Variants in VAT1L observed in about 807,000 individuals in gnomAD.
VAT1L encodes the protein vesicle amine transport 1 like.
A neutral mutation model predicts 44.1 loss-of-function variants in VAT1L; 34 were observed. That is an observed-to-expected ratio of 0.77 (90% CI 0.59 to 1.03). The LOEUF (loss-of-function observed/expected upper bound fraction) is 1.03. Among genes scored for constraint, VAT1L ranks in the 50% least tolerant of loss-of-function variants. The pLI, the probability that VAT1L is intolerant of heterozygous loss-of-function variation, is 0.00. For missense variants in VAT1L, 615 were observed against 538.8 expected, an observed-to-expected ratio of 1.14 and a Z score of -1.40; for synonymous variants, 253 against 202.2, an observed-to-expected ratio of 1.25 and a Z score of -2.13.
chr16:77,874,187 G>A (rs1392343141), intron 4 of VAT1L, among the ~76,000 whole-genome samples: 1 of 152,094 alleles, frequency 6.6e-6, no homozygotes, highest in East Asian at 1.9e-4. Flanking sequence ...GGCTGCTTCT[G>A]ACCACAGGTG....
intron 3 of VAT1L, among the ~76,000 whole-genome samples, chr16:77,841,737 T>G (rs1175135874): frequency 6.6e-6 from 1 of 152,152 alleles, no homozygotes; most frequent in South Asian, 2.1e-4. Context: ...CTGGAGATGA[T>G]CGTCCTGAGC....
chr16:77,974,144 C>G (rs190156979), intron 8 of VAT1L, among the ~76,000 whole-genome samples: 1 of 152,146 alleles, frequency 6.6e-6, no homozygotes, highest in South Asian at 2.1e-4. Context: ...GTGACTGATA[C>G]AACATGGATA....
At chr16:77,831,184 A>C (rs928483441) in intron 3 of VAT1L, among the ~76,000 whole-genome samples, 1 of 152,138 alleles carries the variant, frequency 6.6e-6, no homozygotes, top group Non-Finnish European at 1.5e-5. Flanking sequence ...TGGTGGGGGG[A>C]CACTAGGCAA....
chr16:77,884,667 G>A lies in VAT1L; in HGVS notation c.942G>A (p.Ala314=), dbSNP rs751652774. The change falls in exon 7 of 9, where the codon GCG becomes GCA. Residue 314 remains alanine (A), a synonymous_variant. Transcript: ENST00000302536. This position sits in a 1 kb window ranked among gnomAD's most constrained non-coding sequence, Gnocchi z 4.5. ...TGTATGAGGAGAACAAAGTCATCGCGGGGTTTTCCCTTTTAAATCTGCTCT... is the reference window on the plus strand; with the variant it reads ...TGTATGAGGAGAACAAAGTCATCGCAGGGTTTTCCCTTTTAAATCTGCTCT... ...IKLYEENKVI[A]GFSLLNLLFK... is the part of the protein sequence containing the mutation. The A allele has an allele frequency of 1.7e-5, 27 of 1,613,256 alleles. No homozygotes were observed. Among genetic ancestry groups the A allele is most frequent in the South Asian group, 2.2e-5 (2 of 90,854 alleles).
At chr16:77,913,334 G>A (rs2017518264) in intron 7 of VAT1L, among the ~76,000 whole-genome samples, 1 of 151,480 alleles carries the variant, frequency 6.6e-6, no homozygotes, top group Non-Finnish European at 1.5e-5. Flanking sequence ...ATACCCATTG[G>A]AGTTGTCTAT....
intron 1 of VAT1L, among the ~76,000 whole-genome samples, chr16:77,807,746 CTG>C (rs1363536111): frequency 6.6e-6 from 1 of 152,100 alleles, no homozygotes; most frequent in Non-Finnish European, 1.5e-5. Context: ...TTTACATATA[CTG>C]TCACATGCAA....
At chr16:77,798,484 G>T (rs1406978917) in intron 1 of VAT1L, among the ~76,000 whole-genome samples, 1 of 152,164 alleles carries the variant, frequency 6.6e-6, no homozygotes. Flanking sequence ...TGCAGCTAAA[G>T]TGCCTAGCAA....
At chr16:77,972,277 C>T (rs2018287421) in intron 8 of VAT1L, among the ~76,000 whole-genome samples, 2 of 152,152 alleles carry the variant, frequency 1.3e-5, no homozygotes. Flanking sequence ...CAGAATGATG[C>T]CAGCTGCTTC....
chr16:77,935,658 G>A (rs2017786563), intron 7 of VAT1L, among the ~76,000 whole-genome samples: 1 of 152,046 alleles, frequency 6.6e-6, no homozygotes. Flanking sequence ...GGGAAAATGT[G>A]GGAAAGAGGT....
chr16:77,827,635 A>G (rs1057247019), intron 3 of VAT1L, among the ~76,000 whole-genome samples: 14 of 152,310 alleles, frequency 9.2e-5, no homozygotes, highest in Admixed American at 9.2e-4. Flanking sequence ...GAAGTTGTAC[A>G]ATTTTGTCTC....
intron 7 of VAT1L, among the ~76,000 whole-genome samples, chr16:77,958,854 G>A (rs1003267873): frequency 1.3e-5 from 2 of 152,184 alleles, no homozygotes; most frequent in Admixed American, 1.3e-4. Flanking sequence ...TTGTAAGCCA[G>A]TGTTCCTACT....
intron 3 of VAT1L, among the ~76,000 whole-genome samples, chr16:77,835,333 C>A (rs780352395): frequency 2.6e-4 from 39 of 152,278 alleles, no homozygotes; most frequent in Admixed American, 2.0e-4. Context: ...ATCCAACAGT[C>A]TGAATAGTCT....
At chr16:77,953,690 G>A (rs767968910) in intron 7 of VAT1L, among the ~76,000 whole-genome samples, 5 of 152,120 alleles carry the variant, frequency 3.3e-5, no homozygotes, top group Admixed American at 6.6e-5. Flanking sequence ...ACATCCAACT[G>A]TCTTTTCATT....
intron 7 of VAT1L, among the ~76,000 whole-genome samples, chr16:77,886,342 CAGGA>C (rs1243073101): frequency 6.6e-6 from 1 of 152,058 alleles, no homozygotes; most frequent in African/African-American, 2.4e-5. Flanking sequence ...TCTCAATGGT[CAGGA>C]AGGAGAGAAA....
chr16:77,826,131 C>T (rs1252527691), intron 3 of VAT1L, among the ~76,000 whole-genome samples: 4 of 149,124 alleles, frequency 2.7e-5, no homozygotes, highest in African/African-American at 7.4e-5. Context: ...GGCGTGAACC[C>T]GGGAGGCAGA....
chr16:77,945,277 A>G (rs1356136207), intron 7 of VAT1L, among the ~76,000 whole-genome samples: 4 of 9,284 alleles, frequency 4.3e-4, no homozygotes, highest in African/African-American at 8.8e-4. Context: ...AGATTGCAGA[A>G]CTTTTTTTTT....
At chr16:77,911,205 T>G (rs1193765576) in intron 7 of VAT1L, among the ~76,000 whole-genome samples, 1 of 152,246 alleles carries the variant, frequency 6.6e-6, no homozygotes, top group Non-Finnish European at 1.5e-5. Context: ...GCAATATCGT[T>G]GGTTATCCCA....
chr16:77,915,086 T>C (rs1385978420), intron 7 of VAT1L, among the ~76,000 whole-genome samples: 1 of 151,988 alleles, frequency 6.6e-6, no homozygotes, highest in Non-Finnish European at 1.5e-5. Context: ...GATTGTGCCA[T>C]TGCACTCCAG....
chr16:77,862,037 T>C (rs2016919925), intron 3 of VAT1L, among the ~76,000 whole-genome samples: 1 of 152,218 alleles, frequency 6.6e-6, no homozygotes, highest in Non-Finnish European at 1.5e-5. Context: ...GTACCCAAAC[T>C]AAGACATCTG....
Sources: gnomAD v4.1 joint callset for allele counts (sites outside exome capture counted in the v4.1 genomes callset) on GRCh38, gnomAD v4.1.1 for gene constraint, Gnocchi (gnomAD v3.1) non-coding constraint, MANE v1.5 for transcripts, NCBI Gene and HGNC (gene_info 2026-07-23, HGNC 2026-07-21) for gene names.